SNTG2: variants seen among roughly 807,000 people sequenced by gnomAD.
The protein encoded by SNTG2 is syntrophin gamma 2.
In SNTG2, 74 loss-of-function variants were observed where a neutral mutation model predicts 70.9. The ratio of observed to expected loss-of-function variants is 1.04; its 90% CI spans 0.86 to 1.27. SNTG2 has a LOEUF of 1.27. Among genes scored for constraint, SNTG2 ranks in the 50% most tolerant of loss-of-function variants. The probability of loss-of-function intolerance (pLI) is 0.00; values close to 1 mark genes in which losing one functional copy is unlikely to be tolerated. For missense variants in SNTG2, 717 were observed against 690.7 expected (o/e 1.04, Z -0.43); for synonymous variants, 278 against 273.8 (o/e 1.02, Z -0.15).
chr2:1,059,354 A>T, intron 1 of SNTG2: 1 of 83,090 alleles, frequency 1.2e-5, no homozygotes, highest in African/African-American at 4.4e-5. Flanking sequence ...TTTCAGCTGC[A>T]AAAGGGCAAA....
At chr2:1,283,078 A>C (rs567894870) in intron 14 of SNTG2, among the ~76,000 whole-genome samples, 1 of 152,282 alleles carries the variant, frequency 6.6e-6, no homozygotes, top group Non-Finnish European at 1.5e-5. Context: ...ACCTAGAAGG[A>C]AAATTCCTTC....
At chr2:1,269,198 C>A (rs1022161616) in intron 14 of SNTG2, among the ~76,000 whole-genome samples, 2 of 152,056 alleles carry the variant, frequency 1.3e-5, no homozygotes, top group African/African-American at 4.8e-5. Context: ...TTCGTACTGT[C>A]CTTATTCCAC....
chr2:1,155,187 T>TACACACAC (rs1558465453), intron 6 of SNTG2, among the ~76,000 whole-genome samples: 7 of 149,422 alleles, frequency 4.7e-5, no homozygotes, highest in African/African-American at 1.7e-4. Context: ...CCCACACACA[T>TACACACAC]ATATAGACCA....
intron 4 of SNTG2, 76 bp downstream of exon 4, chr2:1,098,486 T>G: frequency 6.9e-7 from 1 of 1,458,336 alleles, no homozygotes; most frequent in Middle Eastern, 1.8e-4. Context: ...ATGATAAAAA[T>G]CAGCAGATAT....
intron 9 of SNTG2, among the ~76,000 whole-genome samples, chr2:1,229,872 A>G (rs967235567): frequency 6.6e-6 from 1 of 152,218 alleles, no homozygotes; most frequent in Non-Finnish European, 1.5e-5. Flanking sequence ...CGAGGCCGGC[A>G]GGGCCGGCTG....
chr2:1,113,408 T>G (rs2148258800), intron 4 of SNTG2, among the ~76,000 whole-genome samples: 1 of 152,210 alleles, frequency 6.6e-6, no homozygotes, highest in East Asian at 1.9e-4. Flanking sequence ...GTTTAACCAC[T>G]ATAGTCCTTT....
chr2:1,059,708 T>G (rs187585388), intron 1 of SNTG2, among the ~76,000 whole-genome samples: 1 of 152,252 alleles, frequency 6.6e-6, no homozygotes, highest in East Asian at 1.9e-4. Flanking sequence ...ATGAATAATC[T>G]TAGACAAAAG....
intron 1 of SNTG2, among the ~76,000 whole-genome samples, chr2:993,091 A>G (rs930504833): frequency 9.4e-6 from 1 of 106,750 alleles, no homozygotes; most frequent in Non-Finnish European, 2.0e-5. Flanking sequence ...TTTTTTTATT[A>G]TACTCTAAGT....
chr2:1,251,168 T>G (rs928389194), intron 12 of SNTG2, among the ~76,000 whole-genome samples: 2 of 152,238 alleles, frequency 1.3e-5, no homozygotes, highest in Non-Finnish European at 2.9e-5. Flanking sequence ...CAGATAGATT[T>G]ACCATTAGGC....
At chr2:1,223,769 A>G (rs1414644460) in intron 9 of SNTG2, among the ~76,000 whole-genome samples, 3 of 152,238 alleles carry the variant, frequency 2.0e-5, no homozygotes, top group African/African-American at 7.2e-5. Flanking sequence ...ACCTCAGCAC[A>G]CTAACCTGGC....
intron 16 of SNTG2, among the ~76,000 whole-genome samples, chr2:1,358,708 A>T (rs903739465): frequency 3.9e-5 from 6 of 152,090 alleles, no homozygotes; most frequent in African/African-American, 1.4e-4. Context: ...TTGTAGTTGA[A>T]GAAGATACTA....
intron 4 of SNTG2, among the ~76,000 whole-genome samples, chr2:1,136,760 T>TG (rs1287577603): frequency 6.6e-6 from 1 of 152,220 alleles, no homozygotes; most frequent in African/African-American, 2.4e-5. Context: ...TTGTATTGAA[T>TG]GGGGCTCTGT....
At chr2:1,195,536 T>C (rs1055611710) in intron 8 of SNTG2, among the ~76,000 whole-genome samples, 1 of 152,254 alleles carries the variant, frequency 6.6e-6, no homozygotes. Context: ...GAGAAGTGTC[T>C]GTTCATATCT....
chr2:1,150,574 G>A (rs374561715), intron 6 of SNTG2, among the ~76,000 whole-genome samples: 2 of 152,226 alleles, frequency 1.3e-5, no homozygotes, highest in South Asian at 4.2e-4. Flanking sequence ...AGATGAATGG[G>A]GAGGAGATGT....
chr2:1,338,707 T>C (rs1418758413), intron 16 of SNTG2, among the ~76,000 whole-genome samples: 2 of 152,214 alleles, frequency 1.3e-5, no homozygotes. Context: ...TACCAGAACA[T>C]TCTTTTTTAG....
intron 4 of SNTG2, among the ~76,000 whole-genome samples, chr2:1,135,026 C>T (rs549187134): frequency 6.6e-6 from 1 of 152,200 alleles, no homozygotes; most frequent in Non-Finnish European, 1.5e-5. Flanking sequence ...TCATTAAACC[C>T]CAGGCCCTGC....
chr2:1,244,018 T>C lies in SNTG2; in HGVS notation c.889-3309T>C, dbSNP rs747699684. On this transcript the variant is annotated intron_variant, in intron 11 of 16. Transcript: ENST00000308624. ...TCCAGCCCGGGCGACAGAGCAAGAC[T>C]CTGGCCTGGGGCCAGGGTGGTGGTG... 1.2e-3 allele frequency among the ~76,000 whole-genome samples: 178 copies of C among 152,278 alleles called. 2 individuals carry two copies. Among genetic ancestry groups the C allele is most frequent in the Middle Eastern group, 3.4e-3 (1 of 294 alleles).
chr2:1,106,140 C>T (rs1462635684), intron 4 of SNTG2, among the ~76,000 whole-genome samples: 1 of 122,224 alleles, frequency 8.2e-6, no homozygotes, highest in African/African-American at 3.4e-5. Context: ...TGCTGTCACT[C>T]GGGTGCAGGG....
rs577729390 is a variant in SNTG2, at chr2:1,030,009, C to T, written c.73-53509C>T. Reference sequence around the variant, plus strand: ...ATGCAGAGTGACTCGGCAGCCATTCCCTTTCCCTGCATGCTGCCTCCTTCA... The same window carrying T: ...ATGCAGAGTGACTCGGCAGCCATTCTCTTTCCCTGCATGCTGCCTCCTTCA... On this transcript the variant is annotated intron_variant, in intron 1 of 16. Transcript: ENST00000308624. Among the ~76,000 whole-genome samples, 6 of 152,318 alleles carry T rather than the reference C, an allele frequency of 3.9e-5. No homozygotes were observed. In the East Asian group the frequency reaches 1.2e-3, roughly 29 times the overall value.
Sources: allele counts gnomAD v4.1 joint callset (sites outside exome capture counted in the v4.1 genomes callset), GRCh38; gene constraint gnomAD v4.1.1; transcripts MANE v1.5; gene names NCBI Gene and HGNC (gene_info 2026-07-23, HGNC 2026-07-21).